Variants in COL10A1 observed in about 807,000 individuals in gnomAD.
COL10A1 encodes collagen alpha-1(X) chain.
In COL10A1, 10 loss-of-function variants were observed where a neutral mutation model predicts 18.2. The ratio of observed to expected loss-of-function variants is 0.55; its 90% CI spans 0.34 to 0.93. The LOEUF (loss-of-function observed/expected upper bound fraction) is 0.93. Among genes scored for constraint, COL10A1 ranks in the 40% least tolerant of loss-of-function variants. COL10A1 has a pLI of 0.02. For synonymous variants in COL10A1, 330 were observed against 316.6 expected (o/e 1.04, Z -0.45); for missense variants, 897 against 853.5 (o/e 1.05, Z -0.64).
At chr6:116,144,771 G>A (rs1309125609) in intron 1 of COL10A1, among the ~76,000 whole-genome samples, 1 of 152,150 alleles carries the variant, frequency 6.6e-6, no homozygotes, top group Non-Finnish European at 1.5e-5. Context: ...CAGGAGTGGT[G>A]AGCCAATGGT....
At chr6:116,162,971 CA>C (rs1247730704), upstream of COL10A1, among the ~76,000 whole-genome samples, 43 of 151,500 alleles carry the variant, frequency 2.8e-4, no homozygotes, top group Non-Finnish European at 3.7e-4. Flanking sequence ...ACTAAATATA[CA>C]AAAAATTAGC....
the COL10A1 span, among the ~76,000 whole-genome samples, chr6:116,209,302 G>T: frequency 6.6e-6 from 1 of 151,856 alleles, no homozygotes; most frequent in Non-Finnish European, 1.5e-5. Context: ...TTAGCTTGTG[G>T]GCTGTGGTTT....
At chr6:116,186,679 T>G in the COL10A1 span, among the ~76,000 whole-genome samples, 1 of 152,108 alleles carries the variant, frequency 6.6e-6, no homozygotes, top group Non-Finnish European at 1.5e-5. Context: ...GCTGCGAGTT[T>G]CCAGTGCATT....
At chr6:116,188,528 G>A in the COL10A1 span, among the ~76,000 whole-genome samples, 4 of 151,894 alleles carry the variant, frequency 2.6e-5, no homozygotes, top group Admixed American at 6.6e-5. Context: ...GAAAAAGCCA[G>A]TAATACAGGA....
At chr6:116,125,243 A>G in intron 2 of COL10A1, 96 bp downstream of exon 2, 1 of 1,409,116 alleles carries the variant, frequency 7.1e-7, no homozygotes, top group Non-Finnish European at 9.8e-7. Context: ...TTGGAAAGTA[A>G]CACCAAAGTT....
chr6:116,213,415 C>T, the COL10A1 span, among the ~76,000 whole-genome samples: 1 of 152,120 alleles, frequency 6.6e-6, no homozygotes, highest in Non-Finnish European at 1.5e-5. Context: ...TGGCACATGA[C>T]TTCCAACAGG....
chr6:116,119,510 G>A lies in COL10A1; in HGVS notation c.*563C>T, dbSNP rs1350277894. On this transcript the variant is annotated 3_prime_UTR_variant, in exon 3 of 3. Coordinates refer to ENST00000651968, the MANE Select transcript of COL10A1 (RefSeq NM_000493.4). Reference sequence around the variant, plus strand: ...ATATATGCACCTGTATATTTGAATAGATATTGATGAAAGGGGCCATACAGG... The same window carrying A: ...ATATATGCACCTGTATATTTGAATAAATATTGATGAAAGGGGCCATACAGG... 5.2e-5 allele frequency: 8 copies of A among 153,248 alleles called. No homozygotes were observed. The highest frequency in any genetic ancestry group is 1.9e-4 in the African/African-American group (8 of 41,428). 9.5% of individuals were successfully genotyped at this position (153,248 alleles called of 1,614,324 possible).
At chr6:116,137,582 A>C (rs1331528894) in intron 1 of COL10A1, 8 of 214,264 alleles carry the variant, frequency 3.7e-5, no homozygotes, top group African/African-American at 6.9e-5. Flanking sequence ...GCGTTTTCCC[A>C]CTGGGTTGGA....
At chr6:116,203,534 T>A in the COL10A1 span, among the ~76,000 whole-genome samples, 1 of 151,964 alleles carries the variant, frequency 6.6e-6, no homozygotes, top group East Asian at 1.9e-4. Flanking sequence ...TCCCTGTTAC[T>A]GAATGTCACA....
the COL10A1 span, among the ~76,000 whole-genome samples, chr6:116,170,214 A>G: frequency 6.6e-6 from 1 of 151,402 alleles, no homozygotes; most frequent in Admixed American, 6.6e-5. Flanking sequence ...TAGCTAGGGG[A>G]TGATATGGAA....
chr6:116,186,168 A>T, the COL10A1 span, among the ~76,000 whole-genome samples: 1 of 152,048 alleles, frequency 6.6e-6, no homozygotes, highest in East Asian at 1.9e-4. Context: ...TATGATAATT[A>T]TTTTGTTTAA....
At chr6:116,136,781 G>A (rs368524623) in intron 1 of COL10A1, among the ~76,000 whole-genome samples, 3 of 152,228 alleles carry the variant, frequency 2.0e-5, no homozygotes, top group Non-Finnish European at 2.9e-5. Flanking sequence ...TAGTTCCAAC[G>A]GTTTGGAATC....
chr6:116,135,967 A>C (rs963776192), intron 1 of COL10A1, among the ~76,000 whole-genome samples: 1 of 151,118 alleles, frequency 6.6e-6, no homozygotes, highest in African/African-American at 2.4e-5. Flanking sequence ...CTACTCTTTT[A>C]GCGTATTTTA....
upstream of COL10A1, among the ~76,000 whole-genome samples, chr6:116,126,764 A>T (rs1779325296): frequency 6.6e-6 from 1 of 152,108 alleles, no homozygotes; most frequent in South Asian, 2.1e-4. Flanking sequence ...AAAACCCCTT[A>T]ATTTGATAAT....
chr6:116,160,907 T>C (rs377269858), upstream of COL10A1, among the ~76,000 whole-genome samples: 801 of 152,042 alleles, frequency 5.3e-3, 15 homozygotes, highest in South Asian at 0.042. Flanking sequence ...TTTATTGCGG[T>C]ATTATTCACA....
chr6:116,189,628 A>G, the COL10A1 span, among the ~76,000 whole-genome samples: 2 of 151,996 alleles, frequency 1.3e-5, no homozygotes, highest in African/African-American at 2.4e-5. Flanking sequence ...AGTTTAAACC[A>G]GTTATGCAGA....
the COL10A1 span, among the ~76,000 whole-genome samples, chr6:116,195,200 TTATAA>T: frequency 4.6e-5 from 7 of 152,098 alleles, no homozygotes; most frequent in African/African-American, 7.2e-5. Context: ...CATACTGAAG[TTATAA>T]TATAGGCATA....
chr6:116,138,050 C>T (rs1045327627), intron 1 of COL10A1, among the ~76,000 whole-genome samples: 1 of 151,964 alleles, frequency 6.6e-6, no homozygotes, highest in African/African-American at 2.4e-5. Flanking sequence ...TGCACTCCCG[C>T]CTGGGTGACA....
At chr6:116,145,792 C>A (rs1468235245) in intron 1 of COL10A1, among the ~76,000 whole-genome samples, 1 of 152,006 alleles carries the variant, frequency 6.6e-6, no homozygotes, top group Non-Finnish European at 1.5e-5. Flanking sequence ...TTTTAATTTA[C>A]TATTTTATTT....
Sources: gnomAD v4.1 joint callset for allele counts (sites outside exome capture counted in the v4.1 genomes callset) on GRCh38, gnomAD v4.1.1 for gene constraint, MANE v1.5 for transcripts, NCBI Gene and HGNC (gene_info 2026-07-23, HGNC 2026-07-21) for gene names.